The following STAM2 variants were observed in gnomAD, a reference collection of about 807,000 sequenced individuals.
The protein encoded by STAM2 is signal transducing adapter molecule 2.
A neutral mutation model predicts 65.6 loss-of-function variants in STAM2; 51 were observed. The observed-to-expected ratio is 0.78, with a 90% CI of 0.62 to 0.98. The LOEUF is 0.98. STAM2 is among the 50% of genes least tolerant of loss of function. The pLI, the probability that STAM2 is intolerant of heterozygous loss-of-function variation, is 0.00. For synonymous variants in STAM2, 198 were observed against 208.4 expected, an observed-to-expected ratio of 0.95 and a Z score of 0.43; for missense variants, 584 against 617.8, an observed-to-expected ratio of 0.95 and a Z score of 0.58.
Position 152,120,767 on chromosome 2 carries a change from A to G in STAM2, c.1385T>C (p.Met462Thr), listed in dbSNP as rs763429223. Residue 462 changes from methionine to threonine, a missense_variant, in exon 14 of 14, where the codon ATG becomes ACG. By Grantham distance (81) the Met-to-Thr change is moderately conservative. Coordinates refer to ENST00000263904, the MANE Select transcript of STAM2 (RefSeq NM_005843.6). ...GQDTVSNPTY[M>T]NQNSNLQSAT... ...TGACTGTAGGTTAGAGTTCTGGTTC[A>G]TATAAGTAGGATTGGAAACAGTGTC... 1.2e-6 allele frequency: 2 copies of G among 1,614,202 alleles called. No homozygotes were observed. Among genetic ancestry groups the G allele is most frequent in the Admixed American group, 3.3e-5 (2 of 60,020 alleles).
At chr2:152,173,367 TATATACATATATATATATATGTATAC>T (rs1689934526) in intron 1 of STAM2, among the ~76,000 whole-genome samples, 1 of 147,510 alleles carries the variant, frequency 6.8e-6, no homozygotes, top group Non-Finnish European at 1.5e-5. Context: ...TACACACATA[TATATACATATATATATATATGTATAC>T]ATATATATAT....
At chr2:152,165,200 C>T (rs1435623343) in intron 1 of STAM2, among the ~76,000 whole-genome samples, 1 of 151,860 alleles carries the variant, frequency 6.6e-6, no homozygotes, top group Non-Finnish European at 1.5e-5. Flanking sequence ...CCGAGGCGGG[C>T]AGATCATGAG....
intron 11 of STAM2, among the ~76,000 whole-genome samples, chr2:152,127,169 C>T (rs1054359756): frequency 6.6e-6 from 1 of 152,184 alleles, no homozygotes; most frequent in Non-Finnish European, 1.5e-5. Context: ...TTCAATAAAA[C>T]CCTGCTTTTG....
At chr2:152,164,436 G>C (rs182544622) in intron 1 of STAM2, among the ~76,000 whole-genome samples, 3 of 151,050 alleles carry the variant, frequency 2.0e-5, no homozygotes, top group African/African-American at 7.3e-5. Context: ...TCTGCCTCCC[G>C]AGTTCAAACG....
intron 1 of STAM2, among the ~76,000 whole-genome samples, chr2:152,159,740 C>G (rs568191449): frequency 6.6e-6 from 1 of 152,274 alleles, no homozygotes; most frequent in Non-Finnish European, 1.5e-5. Flanking sequence ...CCCACAGTCT[C>G]CCTCTCCCTC....
At chr2:152,151,700 C>T (rs1170425464) in intron 1 of STAM2, among the ~76,000 whole-genome samples, 4 of 152,178 alleles carry the variant, frequency 2.6e-5, no homozygotes, top group African/African-American at 9.7e-5. Context: ...TACGCAACCA[C>T]TTGTCTACTT....
At chr2:152,152,865 G>A (rs1406420989) in intron 1 of STAM2, among the ~76,000 whole-genome samples, 2 of 152,134 alleles carry the variant, frequency 1.3e-5, no homozygotes, top group Non-Finnish European at 2.9e-5. Flanking sequence ...TAGAATGCAG[G>A]AGAATGATAA....
intron 1 of STAM2, among the ~76,000 whole-genome samples, chr2:152,172,979 C>T (rs1284800251): frequency 1.3e-5 from 2 of 151,846 alleles, no homozygotes; most frequent in African/African-American, 2.4e-5. Flanking sequence ...GGGACTATGA[C>T]TATTTTAAAT....
At chr2:152,141,783 GT>G (rs1161854745) in intron 7 of STAM2, among the ~76,000 whole-genome samples, 1 of 151,724 alleles carries the variant, frequency 6.6e-6, no homozygotes, top group African/African-American at 2.4e-5. Context: ...TAGAGACAGG[GT>G]TTCACCATAT....
chr2:152,150,222 G>A lies in STAM2; in HGVS notation c.48C>T (p.Ala16=). ...ANPFEQDVEK[A]TNEYNTTEDW... is the part of the protein sequence containing the mutation. ...CTTCTGTAGTGTTGTACTCATTCGT[G>A]GCTTTTTCTATAAAATATATTGGCA... Residue 16 remains alanine, a synonymous_variant, in exon 2 of 14, where the codon GCC becomes GCT. Transcript: ENST00000263904. The A allele has an allele frequency of 2.5e-6, 4 of 1,611,292 alleles. No individual in the cohort carries two copies. Among genetic ancestry groups the A allele is most frequent in the Non-Finnish European group, 3.4e-6 (4 of 1,178,032 alleles).
chr2:152,138,486 A>G (rs1055336105), intron 7 of STAM2, among the ~76,000 whole-genome samples: 1 of 152,132 alleles, frequency 6.6e-6, no homozygotes, highest in African/African-American at 2.4e-5. Context: ...TAGTTTATCC[A>G]TCGGACTCTT....
Position 152,118,655 on chromosome 2 carries a change from T to G in STAM2, c.*1919A>C, listed in dbSNP as rs114009879. ...GTTTGGGAGAAAAAAAGTAAGAAATTCCATATATATGCAAATGTTGACTAT... is the reference window on the plus strand; with the variant it reads ...GTTTGGGAGAAAAAAAGTAAGAAATGCCATATATATGCAAATGTTGACTAT... On this transcript the variant is annotated 3_prime_UTR_variant, in exon 14 of 14. Coordinates refer to ENST00000263904, the MANE Select transcript of STAM2 (RefSeq NM_005843.6). 21 of 151,790 alleles carry G rather than the reference T, an allele frequency of 1.4e-4. No homozygotes were observed. Among genetic ancestry groups the G allele is most frequent in the African/African-American group, 4.8e-4 (20 of 41,492 alleles). 9.4% of individuals were successfully genotyped at this position (151,790 alleles called of 1,614,324 possible). A position where few individuals can be genotyped will look rare whatever the true frequency, so the allele number is the denominator to read the frequency against.
intron 1 of STAM2, among the ~76,000 whole-genome samples, chr2:152,157,570 G>A (rs150882576): frequency 6.7e-4 from 102 of 152,314 alleles, no homozygotes; most frequent in African/African-American, 2.4e-3. Flanking sequence ...CAAGGGGTGA[G>A]CTCTAACCAG....
chr2:152,144,281 CT>C (rs1019092515), intron 6 of STAM2, among the ~76,000 whole-genome samples: 5 of 151,930 alleles, frequency 3.3e-5, no homozygotes, highest in African/African-American at 1.2e-4. Flanking sequence ...ATATGGGTAG[CT>C]TTCCATATAG....
chr2:152,148,887 T>C (rs968632534), intron 2 of STAM2, among the ~76,000 whole-genome samples: 1 of 152,158 alleles, frequency 6.6e-6, no homozygotes, highest in African/African-American at 2.4e-5. Flanking sequence ...TCTTTCTATT[T>C]CTTCAAGACA....
intron 1 of STAM2, among the ~76,000 whole-genome samples, chr2:152,151,579 T>TA (rs1417258414): frequency 6.6e-6 from 1 of 152,236 alleles, no homozygotes; most frequent in Admixed American, 6.5e-5. Context: ...ACTATATTCA[T>TA]AGAGTTGTAC....
At chr2:152,137,304 T>C (rs1689174158) in intron 7 of STAM2, among the ~76,000 whole-genome samples, 1 of 152,192 alleles carries the variant, frequency 6.6e-6, no homozygotes, top group Non-Finnish European at 1.5e-5. Flanking sequence ...TATGTGATAA[T>C]TTTCCCAACT....
In STAM2 at chr2:152,143,508, A is replaced by G. The variant is rs181146800; in HGVS notation, c.704+319T>C. On this transcript the variant is annotated intron_variant, in intron 7 of 13. Transcript: ENST00000263904. ...ATTTCTTCCTAAAGTTTTTCTGCCA[A>G]TAATTTCAGTACACACAACTGCCAA... Among the ~76,000 whole-genome samples, 33 of 152,334 alleles carry G rather than the reference A, an allele frequency of 2.2e-4. No individual in the cohort carries two copies. In the East Asian group the frequency reaches 4.6e-3, roughly 21 times the overall value.
intron 7 of STAM2, among the ~76,000 whole-genome samples, chr2:152,138,112 T>C (rs1363636437): frequency 1.3e-5 from 2 of 152,142 alleles, no homozygotes; most frequent in African/African-American, 4.8e-5. Context: ...AAAAGTCCTG[T>C]TGGGATTTGA....
Sources: gnomAD v4.1 joint callset for allele counts (sites outside exome capture counted in the v4.1 genomes callset) on GRCh38, gnomAD v4.1.1 for gene constraint, MANE v1.5 for transcripts, NCBI Gene and HGNC (gene_info 2026-07-23, HGNC 2026-07-21) for gene names.